ANXA4: variants seen among roughly 807,000 people sequenced by gnomAD.
The protein encoded by ANXA4 is 35-beta calcimedin.
ANXA4 carries 39 observed loss-of-function variants against 49.8 expected under a neutral mutation model. The ratio of observed to expected loss-of-function variants is 0.78; its 90% CI spans 0.61 to 1.02. The LOEUF is 1.02. Among genes scored for constraint, ANXA4 ranks in the 50% least tolerant of loss-of-function variants. The pLI, the probability that ANXA4 is intolerant of heterozygous loss-of-function variation, is 0.00. For missense variants in ANXA4, 360 were observed against 410.1 expected (o/e 0.88, Z 1.05); for synonymous variants, 134 against 152.5 (o/e 0.88, Z 0.89).
rs369814895 is a variant in ANXA4 at position 69,814,048 on chromosome 2, G to A, written c.534+1339G>A. ...GCCGGGATTACAGGCATGAGCCACC[G>A]CGCCTGACCATAGACCCAGTATTCT... On this transcript the variant is annotated intron_variant, in intron 8 of 12. Transcript: ENST00000394295. 5.9e-5 allele frequency among the ~76,000 whole-genome samples: 9 copies of A among 152,136 alleles called. No homozygotes were observed. In the East Asian group the frequency reaches 1.3e-3, roughly 23 times the overall value.
intron 7 of ANXA4, chr2:69,810,903 C>G: frequency 1.9e-6 from 1 of 529,354 alleles, no homozygotes. Context: ...CCTGCCAGGT[C>G]CCCCTGTCAC....
chr2:69,667,074 GAAATAAAATA>G (rs556026006), intron 2 of ANXA4, among the ~76,000 whole-genome samples: 142 of 150,976 alleles, frequency 9.4e-4, no homozygotes, highest in East Asian at 3.9e-3. Context: ...AAAATAAAAT[GAAATAAAATA>G]AAATAAAATA....
intron 1 of ANXA4, among the ~76,000 whole-genome samples, chr2:69,767,229 T>C (rs947460013): frequency 6.6e-6 from 1 of 152,248 alleles, no homozygotes; most frequent in Non-Finnish European, 1.5e-5. Context: ...GAGCTATTTT[T>C]GGCATTCCTT....
chr2:69,737,101 C>T (rs146531815), upstream of ANXA4, among the ~76,000 whole-genome samples: 673 of 152,316 alleles, frequency 4.4e-3, 4 homozygotes, highest in African/African-American at 0.015. Flanking sequence ...CTGCACCCAG[C>T]CTACTCTCAG....
intron 1 of ANXA4, among the ~76,000 whole-genome samples, chr2:69,743,390 G>A (rs1043639856): frequency 6.6e-6 from 1 of 152,074 alleles, no homozygotes; most frequent in African/African-American, 2.4e-5. Flanking sequence ...GCTAATTTTT[G>A]TATTTTTAGT....
At chr2:69,764,205 G>A (rs964416596) in intron 1 of ANXA4, among the ~76,000 whole-genome samples, 6 of 152,170 alleles carry the variant, frequency 3.9e-5, no homozygotes, top group Non-Finnish European at 8.8e-5. Flanking sequence ...GGGTTCCTGT[G>A]TGATCAACCT....
chr2:69,823,612 A>C (rs910759573), intron 12 of ANXA4, among the ~76,000 whole-genome samples: 2 of 152,168 alleles, frequency 1.3e-5, no homozygotes, highest in Non-Finnish European at 2.9e-5. Flanking sequence ...AGTATTAAAT[A>C]GGAGAAAGTG....
At chr2:69,745,823 G>A (rs1670589493) in intron 1 of ANXA4, among the ~76,000 whole-genome samples, 1 of 148,246 alleles carries the variant, frequency 6.7e-6, no homozygotes, top group South Asian at 2.1e-4. Flanking sequence ...GAGCCACCAC[G>A]CCCGGCTGAG....
At chr2:69,674,757 C>T (rs543968896) in intron 2 of ANXA4, among the ~76,000 whole-genome samples, 10 of 152,200 alleles carry the variant, frequency 6.6e-5, no homozygotes, top group African/African-American at 1.9e-4. Context: ...AAATATAAGA[C>T]ATTATCAGCC....
intron 1 of ANXA4, among the ~76,000 whole-genome samples, chr2:69,773,663 G>A (rs1459566493): frequency 7.6e-5 from 7 of 92,034 alleles, no homozygotes; most frequent in Admixed American, 5.2e-4. Context: ...ACAGAGTCTT[G>A]CTCTGTCACC....
rs145269105 is a variant in ANXA4, at chr2:69,816,117, G to A, written c.551G>A (p.Gly184Glu). The A allele has an allele frequency of 1.0e-3, 1,661 of 1,614,122 alleles. 6 individuals are homozygous for A. Among genetic ancestry groups the A allele is most frequent in the Admixed American group, 1.9e-3 (112 of 60,028 alleles). Residue 184 changes from glycine (G) to glutamate (E), a missense_variant, in exon 9 of 13, where the codon GGA becomes GAA. Physicochemically the swap from Gly to Glu is moderately conservative, Grantham distance 98. Coordinates refer to ENST00000394295, the MANE Select transcript of ANXA4 (RefSeq NM_001153.5). Reference protein sequence around the residue: ...RQDAQDLYEAGEKKWGTDEVK... With the variant: ...RQDAQDLYEAEEKKWGTDEVK... The stretch of plus-strand genomic sequence containing the variant: ...TGGCTTCAGGACCTGTATGAGGCTG[G>A]AGAGAAGAAATGGGGGACAGATGAG...
At position 69,666,966 on chromosome 2, in the gene ANXA4, A is replaced by G. The variant is rs150908292; in HGVS notation, n.766+13684A>G. ...GAGGCTGAGGCACAAGAATCACTTG[A>G]ACCTGGGAGGTGGAAGTTGCAGTGA... On this transcript the variant is annotated intron_variant and non_coding_transcript_variant, in intron 2 of 3. Transcript: ENST00000418066. Among the ~76,000 whole-genome samples the G allele has an allele frequency of 1.3e-3, 193 of 152,336 alleles. 2 individuals are homozygous for G. Among genetic ancestry groups the G allele is most frequent in the African/African-American group, 4.1e-3 (172 of 41,582 alleles).
At chr2:69,670,430 C>T (rs1677130246) in intron 2 of ANXA4, among the ~76,000 whole-genome samples, 1 of 128,328 alleles carries the variant, frequency 7.8e-6, no homozygotes, top group Non-Finnish European at 1.6e-5. Context: ...CAGAGCGAGA[C>T]TCAATCTCAA....
intron 2 of ANXA4, among the ~76,000 whole-genome samples, chr2:69,699,820 C>G (rs1284113764): frequency 6.6e-6 from 1 of 152,124 alleles, no homozygotes; most frequent in Non-Finnish European, 1.5e-5. Context: ...GAAGAGGGTC[C>G]ATCATGACCA....
At chr2:69,699,952 G>A (rs892779630) in intron 2 of ANXA4, among the ~76,000 whole-genome samples, 2 of 152,198 alleles carry the variant, frequency 1.3e-5, no homozygotes, top group African/African-American at 2.4e-5. Context: ...TTCCAAAGAC[G>A]TCCCAATGCA....
intron 1 of ANXA4, among the ~76,000 whole-genome samples, chr2:69,771,790 A>G (rs1671728794): frequency 6.6e-6 from 1 of 152,236 alleles, no homozygotes. Context: ...ATGTATTCTC[A>G]ACATACCTAC....
chr2:69,816,108 A>G lies in ANXA4; in HGVS notation c.542A>G (p.Tyr181Cys). The G allele has an allele frequency of 1.2e-6, 2 of 1,614,008 alleles. No homozygotes were observed. The highest frequency in any genetic ancestry group is 1.7e-6 in the Non-Finnish European group (2 of 1,179,884). ...TGCTTTGTTTGGCTTCAGGACCTGT[A>G]TGAGGCTGGAGAGAAGAAATGGGGG... ...ALVRQDAQDLYEAGEKKWGTD... is the reference protein window; with the variant it reads ...ALVRQDAQDLCEAGEKKWGTD... The change falls in exon 9 of 13, where the codon TAT becomes TGT. Residue 181 changes from tyrosine (Y) to cysteine (C), a missense_variant. By Grantham distance (194) the Tyr-to-Cys change is radical. Transcript: ENST00000394295.
At chr2:69,644,005 G>T (rs1675888432), upstream of ANXA4, 2 of 556,386 alleles carry the variant, frequency 3.6e-6, no homozygotes, top group South Asian at 8.1e-5. Flanking sequence ...GCTCGGCACA[G>T]TCCGGCTGCT....
At chr2:69,796,462 C>T (rs1672949225) in intron 3 of ANXA4, among the ~76,000 whole-genome samples, 1 of 152,300 alleles carries the variant, frequency 6.6e-6, no homozygotes, top group South Asian at 2.1e-4. Flanking sequence ...CAGGAGCTGC[C>T]TGCTTTTTGG....
Sources: allele counts gnomAD v4.1 joint callset (sites outside exome capture counted in the v4.1 genomes callset), GRCh38; gene constraint gnomAD v4.1.1; transcripts MANE v1.5; gene names NCBI Gene and HGNC (gene_info 2026-07-23, HGNC 2026-07-21).